The following ZFTRAF1 variants were observed in gnomAD, a reference collection of about 807,000 sequenced individuals.
ZFTRAF1 encodes zinc finger TRAF-type-containing protein 1.
the ZFTRAF1 span, chr8:144,452,308 GC>G: frequency 3.3e-6 from 5 of 1,535,554 alleles, no homozygotes; most frequent in East Asian, 9.8e-5. Flanking sequence ...CTGGCTGCCA[GC>G]CCCCCAACCC....
chr8:144,450,232 T>C, the ZFTRAF1 span: 25 of 607,774 alleles, frequency 4.1e-5, no homozygotes, highest in Non-Finnish European at 5.9e-5. Context: ...CGCGCACGCA[T>C]GCAGACTTGC....
At chr8:144,461,980 G>C in the ZFTRAF1 span, among the ~76,000 whole-genome samples, 2 of 152,168 alleles carry the variant, frequency 1.3e-5, no homozygotes, top group Non-Finnish European at 2.9e-5. Flanking sequence ...CCGTGGGGAA[G>C]TCTAGAAAAA....
the ZFTRAF1 span, chr8:144,450,342 C>T: frequency 1.4e-6 from 1 of 698,706 alleles, no homozygotes; most frequent in Non-Finnish European, 2.7e-6. Context: ...TGCTGGGATG[C>T]CGCCCGTGGG....
At chr8:144,450,154 G>A in the ZFTRAF1 span, 1 of 538,730 alleles carries the variant, frequency 1.9e-6, no homozygotes, top group Non-Finnish European at 3.4e-6. Flanking sequence ...GGTCAGCCCA[G>A]CCTCTGGCGG....
At chr8:144,452,263 G>C in the ZFTRAF1 span, 1 of 1,354,648 alleles carries the variant, frequency 7.4e-7, no homozygotes, top group Non-Finnish European at 1.0e-6. Flanking sequence ...GGCGCTGTCA[G>C]TGCCCAGTGC....
the ZFTRAF1 span, chr8:144,450,326 C>A: frequency 1.5e-6 from 1 of 688,572 alleles, no homozygotes; most frequent in Non-Finnish European, 2.7e-6. Context: ...GTGGACAGGG[C>A]AGCGGTGCTG....
At chr8:144,453,276 C>A in the ZFTRAF1 span, 1 of 1,551,016 alleles carries the variant, frequency 6.4e-7, no homozygotes, top group Non-Finnish European at 8.7e-7. Context: ...GGGAAACTGG[C>A]GCAGGCAGAA....
chr8:144,454,997 T>C, the ZFTRAF1 span: 1 of 152,256 alleles, frequency 6.6e-6, no homozygotes, highest in East Asian at 1.9e-4. Flanking sequence ...GTTACCTGCA[T>C]TCAATCCTCA....
chr8:144,460,590 G>A, the ZFTRAF1 span, among the ~76,000 whole-genome samples: 1 of 152,236 alleles, frequency 6.6e-6, no homozygotes, highest in Non-Finnish European at 1.5e-5. Context: ...CGAGATCCAA[G>A]AAAAAGTTCT....
the ZFTRAF1 span, chr8:144,450,800 C>T: frequency 1.2e-4 from 78 of 673,860 alleles, 3 homozygotes; most frequent in African/African-American, 7.3e-4. Flanking sequence ...CGGAAAGAGC[C>T]GGCTGTTAGT....
the ZFTRAF1 span, chr8:144,450,847 G>A: frequency 4.9e-6 from 3 of 617,966 alleles, no homozygotes; most frequent in Non-Finnish European, 8.9e-6. Flanking sequence ...TCCCTGACCA[G>A]GCCGAGGGCA....
the ZFTRAF1 span, chr8:144,450,137 C>T: frequency 3.9e-6 from 2 of 512,800 alleles, no homozygotes; most frequent in South Asian, 4.4e-5. Context: ...GCACCGTCTC[C>T]TCTTCGGGTC....
At chr8:144,452,387 C>G in the ZFTRAF1 span, 1 of 1,550,012 alleles carries the variant, frequency 6.5e-7, no homozygotes, top group Admixed American at 2.0e-5. Context: ...CGAAGCTGAG[C>G]AGGCTGAAGA....
chr8:144,460,077 T>C, the ZFTRAF1 span, among the ~76,000 whole-genome samples: 10 of 152,278 alleles, frequency 6.6e-5, 1 homozygote, highest in African/African-American at 2.4e-4. Flanking sequence ...AGCCCAGGTC[T>C]CCAGGTCTGT....
chr8:144,462,572 A>C, the ZFTRAF1 span: 2 of 123,274 alleles, frequency 1.6e-5, no homozygotes, highest in African/African-American at 6.1e-5. Flanking sequence ...CCCGGCTCCG[A>C]CCCCGACCCC....
At chr8:144,461,129 A>T in the ZFTRAF1 span, among the ~76,000 whole-genome samples, 8 of 152,314 alleles carry the variant, frequency 5.3e-5, no homozygotes, top group African/African-American at 1.9e-4. Flanking sequence ...CGACAAGGTC[A>T]TGCCACAGCA....
At chr8:144,450,842 G>C in the ZFTRAF1 span, 1 of 626,326 alleles carries the variant, frequency 1.6e-6, no homozygotes, top group East Asian at 2.8e-5. Context: ...CGCCTTCCCT[G>C]ACCAGGCCGA....
At chr8:144,452,325 T>C in the ZFTRAF1 span, 10 of 1,542,986 alleles carry the variant, frequency 6.5e-6, no homozygotes, top group Non-Finnish European at 8.7e-6. Context: ...AACCCACACC[T>C]GTGTGGCATG....
chr8:144,460,634 G>A, the ZFTRAF1 span, among the ~76,000 whole-genome samples: 1 of 152,252 alleles, frequency 6.6e-6, no homozygotes, highest in East Asian at 1.9e-4. Flanking sequence ...TGTAATCTCA[G>A]CACTTCAGAA....
Sources: allele counts gnomAD v4.1 joint callset (sites outside exome capture counted in the v4.1 genomes callset), GRCh38; gene constraint gnomAD v4.1.1; transcripts MANE v1.5; gene names NCBI Gene and HGNC (gene_info 2026-07-23, HGNC 2026-07-21).